The following CACNA1E variants were observed in gnomAD, a reference collection of about 807,000 sequenced individuals.
CACNA1E encodes the protein calcium voltage-gated channel subunit alpha1 E, also known as voltage-dependent R-type calcium channel subunit alpha-1E.
A neutral mutation model predicts 259.2 loss-of-function variants in CACNA1E; 40 were observed. That is an observed-to-expected ratio of 0.15 (90% CI 0.12 to 0.20). The LOEUF (loss-of-function observed/expected upper bound fraction) is 0.20. Among genes scored for constraint, CACNA1E ranks in the 10% least tolerant of loss-of-function variants. The pLI is 1.00. For synonymous variants in CACNA1E, 1,104 were observed against 1,138.5 expected, an observed-to-expected ratio of 0.97 and a Z score of 0.61; for missense variants, 1,874 against 3,040.1, an observed-to-expected ratio of 0.62 and a Z score of 9.02.
chr1:181,649,346 A>G (rs1658551208), intron 6 of CACNA1E, among the ~76,000 whole-genome samples: 1 of 151,984 alleles, frequency 6.6e-6, no homozygotes, highest in East Asian at 1.9e-4. Flanking sequence ...TTCTGCTTCA[A>G]TTGCAATTAT....
chr1:181,363,064 G>A (rs974940069), intron 1 of CACNA1E, among the ~76,000 whole-genome samples: 1 of 152,188 alleles, frequency 6.6e-6, no homozygotes, highest in Non-Finnish European at 1.5e-5. Flanking sequence ...CCCCCTGGGG[G>A]ACCATCTACA....
At chr1:181,756,826 G>A in intron 29 of CACNA1E, 99 bp from the exon 30 acceptor site, 1 of 829,116 alleles carries the variant, frequency 1.2e-6, no homozygotes, top group East Asian at 2.4e-5. Context: ...GATCTGCAAA[G>A]TCAAAGAAGT....
intron 14 of CACNA1E, 92 bp from the exon 15 acceptor site, chr1:181,720,691 G>C: frequency 1.3e-6 from 1 of 793,272 alleles, no homozygotes; most frequent in East Asian, 2.7e-5. Context: ...GAAGAAAGGA[G>C]AAAAGAAGTG....
intron 6 of CACNA1E, among the ~76,000 whole-genome samples, chr1:181,605,954 A>G (rs1257773294): frequency 6.6e-6 from 1 of 151,956 alleles, no homozygotes; most frequent in African/African-American, 2.4e-5. Flanking sequence ...ATATGGATCA[A>G]TCTCTTCTGC....
At chr1:181,434,841 C>T (rs1299590773) in intron 2 of CACNA1E, among the ~76,000 whole-genome samples, 10 of 152,156 alleles carry the variant, frequency 6.6e-5, no homozygotes, top group African/African-American at 2.2e-4. Flanking sequence ...TGGAGGCTTC[C>T]GTGCAGCGGA....
chr1:181,650,724 T>C (rs1658678834), intron 6 of CACNA1E, among the ~76,000 whole-genome samples: 1 of 152,142 alleles, frequency 6.6e-6, no homozygotes, highest in Non-Finnish European at 1.5e-5. Flanking sequence ...ATTCACTGAG[T>C]GTTAACATTA....
chr1:181,491,163 C>T (rs1481927591), intron 1 of CACNA1E, among the ~76,000 whole-genome samples: 3 of 152,200 alleles, frequency 2.0e-5, no homozygotes, highest in Admixed American at 1.3e-4. Context: ...CTGTGTTCTC[C>T]TGGGAACTGT....
At chr1:181,579,024 T>C (rs769293393) in intron 4 of CACNA1E, 48 bp from the exon 5 acceptor site, 1 of 1,490,558 alleles carries the variant, frequency 6.7e-7, no homozygotes, top group Non-Finnish European at 9.0e-7. Flanking sequence ...CCCTATCAGA[T>C]GGTGCTGAGG....
chr1:181,523,393 T>C (rs936910136), intron 3 of CACNA1E, among the ~76,000 whole-genome samples: 5 of 152,230 alleles, frequency 3.3e-5, no homozygotes, highest in Non-Finnish European at 7.3e-5. Context: ...TTATAAAATA[T>C]AAATACATCT....
chr1:181,749,816 G>C (rs190412227), intron 25 of CACNA1E, among the ~76,000 whole-genome samples: 1 of 152,258 alleles, frequency 6.6e-6, no homozygotes, highest in Admixed American at 6.5e-5. Flanking sequence ...ATGGACTGGC[G>C]GTCATTTAAT....
chr1:181,586,161 G>A (rs1402107909), intron 6 of CACNA1E, among the ~76,000 whole-genome samples: 1 of 152,212 alleles, frequency 6.6e-6, no homozygotes, highest in Non-Finnish European at 1.5e-5. Context: ...GATTGAATAT[G>A]AGTTTGGGAG....
chr1:181,710,955 G>A lies in CACNA1E; in HGVS notation c.1057G>A (p.Glu353Lys). The change falls in exon 8 of 48, where the codon GAA becomes AAA. Residue 353 changes from glutamate (E) to lysine (K), a missense_variant and splice_region_variant. Physicochemically the swap from Glu to Lys is moderately conservative, Grantham distance 56. Coordinates refer to ENST00000367573, the MANE Select transcript of CACNA1E (RefSeq NM_001205293.3). ...LNLVLGVLSG[E>K]FAKERERVEN... is the part of the protein sequence containing the mutation. ...GAATCTTATCCTTCTTGTCCACAGG[G>A]AATTTGCCAAAGAGAGAGAGAGAGT... 6.2e-7 allele frequency: 1 copy of A among 1,609,196 alleles called. No homozygotes were observed. Among genetic ancestry groups the A allele is most frequent in the Non-Finnish European group, 8.5e-7 (1 of 1,175,788 alleles).
At chr1:181,448,416 T>C (rs1220946878) in intron 2 of CACNA1E, among the ~76,000 whole-genome samples, 2 of 152,242 alleles carry the variant, frequency 1.3e-5, no homozygotes, top group East Asian at 3.8e-4. Flanking sequence ...CTAGTAAACG[T>C]AGGAGTCAGG....
At chr1:181,431,627 A>G (rs1659723776) in intron 2 of CACNA1E, among the ~76,000 whole-genome samples, 1 of 152,204 alleles carries the variant, frequency 6.6e-6, no homozygotes, top group Non-Finnish European at 1.5e-5. Context: ...TCCAAGCCAC[A>G]GGGAAACTCA....
At chr1:181,560,281 G>GA (rs75116319) in intron 3 of CACNA1E, among the ~76,000 whole-genome samples, 39,049 of 150,002 alleles carry the variant, frequency 0.26, 5,365 homozygotes, top group Admixed American at 0.33. Flanking sequence ...ATTTCCATTG[G>GA]AAAAAAAATC....
At chr1:181,774,660 G>GA (rs1301514135) in intron 37 of CACNA1E, among the ~76,000 whole-genome samples, 2 of 152,214 alleles carry the variant, frequency 1.3e-5, no homozygotes, top group Non-Finnish European at 2.9e-5. Flanking sequence ...GAGAAAAGAA[G>GA]GAAGAGAAGA....
intron 7 of CACNA1E, among the ~76,000 whole-genome samples, chr1:181,684,022 T>C (rs1411701650): frequency 6.6e-6 from 1 of 152,212 alleles, no homozygotes; most frequent in African/African-American, 2.4e-5. Context: ...CTAGGTCAAA[T>C]GGTAGTTCTG....
At chr1:181,527,325 A>G (rs1046940487) in intron 3 of CACNA1E, among the ~76,000 whole-genome samples, 31 of 152,340 alleles carry the variant, frequency 2.0e-4, no homozygotes, top group Middle Eastern at 3.4e-3. Flanking sequence ...CTAATCCCAT[A>G]TAAGAGCAGA....
intron 2 of CACNA1E, among the ~76,000 whole-genome samples, chr1:181,448,939 G>A (rs563981050): frequency 9.2e-5 from 14 of 152,370 alleles, no homozygotes; most frequent in South Asian, 2.1e-4. Flanking sequence ...CAGCCAGCAC[G>A]GTTGACTGGC....
Sources: gnomAD v4.1 joint callset for allele counts (sites outside exome capture counted in the v4.1 genomes callset) on GRCh38, gnomAD v4.1.1 for gene constraint, MANE v1.5 for transcripts, NCBI Gene and HGNC (gene_info 2026-07-23, HGNC 2026-07-21) for gene names.